SH3KBP1: variants seen among roughly 807,000 people sequenced by gnomAD.
SH3KBP1 encodes the protein SH3 domain-containing kinase-binding protein 1.
Under a neutral mutation model 50.1 loss-of-function variants are expected in SH3KBP1, and 8 were observed. That is an observed-to-expected ratio of 0.16 (90% CI 0.09 to 0.29). The LOEUF is 0.29. Ranked by LOEUF, SH3KBP1 falls within the 10% of genes least tolerant of loss-of-function variation. The pLI is 1.00. For missense variants in SH3KBP1, 377 were observed against 535.2 expected, an observed-to-expected ratio of 0.70 and a Z score of 2.92; for synonymous variants, 227 against 218.6, an observed-to-expected ratio of 1.04 and a Z score of -0.34.
At chrX:19,790,710 G>A (rs1704157638) in intron 2 of SH3KBP1, among the ~76,000 whole-genome samples, 1 of 110,862 alleles carries the variant, frequency 9.0e-6, no homozygotes, top group Non-Finnish European at 1.9e-5. Context: ...CGTCATGGAA[G>A]AGATAAGAGG....
At chrX:19,813,288 G>A (rs1472755391) in intron 2 of SH3KBP1, among the ~76,000 whole-genome samples, 1 of 110,934 alleles carries the variant, frequency 9.0e-6, no homozygotes, top group Non-Finnish European at 1.9e-5. Context: ...CTAATCTGGG[G>A]AGTGCAGTCC....
intron 2 of SH3KBP1, among the ~76,000 whole-genome samples, chrX:19,754,843 G>A (rs2065163538): frequency 9.0e-6 from 1 of 111,550 alleles, no homozygotes; most frequent in African/African-American, 3.3e-5. Context: ...GAGCAGAGGG[G>A]AGAAGATGAT....
chrX:19,665,504 T>C (rs1464753717), intron 6 of SH3KBP1, among the ~76,000 whole-genome samples: 2 of 112,155 alleles, frequency 1.8e-5, no homozygotes, highest in Non-Finnish European at 1.9e-5. Flanking sequence ...GCTCATTTTA[T>C]AGCCCGGGTT....
At chrX:19,878,362 G>A (rs1003022673) in intron 1 of SH3KBP1, among the ~76,000 whole-genome samples, 1 of 102,939 alleles carries the variant, frequency 9.7e-6, no homozygotes, top group Non-Finnish European at 2.0e-5. Flanking sequence ...GGAGTGCAGT[G>A]GTGCGATGTC....
In SH3KBP1 at chrX:19,791,536, GA is replaced by G. The variant is rs11410602; in HGVS notation, c.162+44588del. Among the ~76,000 whole-genome samples the G allele has an allele frequency of 4.1e-3, 318 of 76,801 alleles. 1 individual carries two copies. Among genetic ancestry groups the G allele is most frequent in the East Asian group, 8.9e-3 (20 of 2,250 alleles). 66.7% of individuals were successfully genotyped at this position (76,801 alleles called of 115,157 possible). A position where few individuals can be genotyped will look rare whatever the true frequency, so the allele number is the denominator to read the frequency against. On this transcript the variant is annotated intron_variant, in intron 2 of 17. Coordinates refer to ENST00000397821, the MANE Select transcript of SH3KBP1 (RefSeq NM_031892.3). ...CAAGCATACAAAAATCCTAGAGAAT[GA>G]AAAAAAAAAAAAAACCAAGAGGGAG... is the stretch of plus-strand genomic sequence containing the variant.
At chrX:19,669,956 CAT>C (rs1054280812) in intron 6 of SH3KBP1, among the ~76,000 whole-genome samples, 1 of 108,515 alleles carries the variant, frequency 9.2e-6, no homozygotes, top group Non-Finnish European at 1.9e-5. Flanking sequence ...CATAAAGGGA[CAT>C]ATTTTACAGA....
At chrX:19,700,039 G>A (rs761553579) in intron 4 of SH3KBP1, among the ~76,000 whole-genome samples, 3 of 111,382 alleles carry the variant, frequency 2.7e-5, no homozygotes, top group Non-Finnish European at 5.7e-5. Context: ...TGAATACTTT[G>A]ATACCCAAAC....
At chrX:19,743,746 T>C (rs1015880606) in intron 3 of SH3KBP1, among the ~76,000 whole-genome samples, 2 of 112,370 alleles carry the variant, frequency 1.8e-5, no homozygotes, top group African/African-American at 3.2e-5. Context: ...CTGGACACAA[T>C]TGGGCAAACT....
Position 19,858,999 on chromosome X carries a change from T to C in SH3KBP1, c.5-22717A>G, listed in dbSNP as rs143597616. Among the ~76,000 whole-genome samples the C allele has an allele frequency of 8.1e-3, 912 of 112,240 alleles. 7 individuals carry two copies. The highest frequency in any genetic ancestry group is 0.013 in the South Asian group (35 of 2,719). On this transcript the variant is annotated intron_variant, in intron 1 of 17. Coordinates refer to ENST00000397821, the MANE Select transcript of SH3KBP1 (RefSeq NM_031892.3). Reference sequence around the variant, plus strand: ...AACTTGATAGAGAAAGAAAAGTAACTGGCAGAAAGAACTTCGCATATGAGG... The same window carrying C: ...AACTTGATAGAGAAAGAAAAGTAACCGGCAGAAAGAACTTCGCATATGAGG...
chrX:19,773,538 G>GAC (rs1446510394), intron 2 of SH3KBP1, among the ~76,000 whole-genome samples: 3 of 105,080 alleles, frequency 2.9e-5, no homozygotes, highest in Admixed American at 2.0e-4. Context: ...TGCACACACA[G>GAC]ACACACACAC....
At chrX:19,809,537 G>GA (rs1010749251) in intron 2 of SH3KBP1, among the ~76,000 whole-genome samples, 4 of 107,932 alleles carry the variant, frequency 3.7e-5, no homozygotes, top group African/African-American at 6.7e-5. Flanking sequence ...AAGAAAGAAA[G>GA]AAAAAAAAAG....
At chrX:19,861,761 C>G (rs2068782963) in intron 1 of SH3KBP1, among the ~76,000 whole-genome samples, 1 of 111,986 alleles carries the variant, frequency 8.9e-6, no homozygotes. Context: ...AAAATTCTCA[C>G]AAGATTGCCC....
intron 7 of SH3KBP1, among the ~76,000 whole-genome samples, chrX:19,639,836 G>GA (rs2061808538): frequency 9.3e-6 from 1 of 107,857 alleles, no homozygotes; most frequent in African/African-American, 3.4e-5. Flanking sequence ...CACTGAGTCT[G>GA]AAAAAATAGG....
chrX:19,839,323 A>G (rs1010155008), intron 1 of SH3KBP1, among the ~76,000 whole-genome samples: 2 of 94,612 alleles, frequency 2.1e-5, no homozygotes, highest in Non-Finnish European at 4.1e-5. Context: ...AGAAGATACT[A>G]AAAAAAAAAA....
intron 8 of SH3KBP1, among the ~76,000 whole-genome samples, chrX:19,613,778 C>G (rs2067508755): frequency 8.9e-6 from 1 of 112,199 alleles, no homozygotes; most frequent in Non-Finnish European, 1.9e-5. Flanking sequence ...GGAGCCATTC[C>G]TTATTTTGCC....
chrX:19,674,331 C>G (rs1317971334), intron 6 of SH3KBP1, among the ~76,000 whole-genome samples: 1 of 111,852 alleles, frequency 8.9e-6, no homozygotes, highest in African/African-American at 3.3e-5. Context: ...GCCATTTAGC[C>G]AATCCCTTTC....
At chrX:19,561,591 G>A (rs765547173) in intron 13 of SH3KBP1, among the ~76,000 whole-genome samples, 7 of 111,470 alleles carry the variant, frequency 6.3e-5, no homozygotes, top group East Asian at 5.6e-4. Flanking sequence ...GCAGATGTGA[G>A]CTGGACCTAT....
At chrX:19,799,791 A>C (rs2066843260) in intron 2 of SH3KBP1, 12 of 1,160,404 alleles carry the variant, frequency 1.0e-5, no homozygotes, top group Non-Finnish European at 1.3e-5. Context: ...TTGGCAGCAA[A>C]ATTATTCTAA....
chrX:19,775,546 T>C (rs1026098412), intron 2 of SH3KBP1, among the ~76,000 whole-genome samples: 7 of 111,940 alleles, frequency 6.3e-5, no homozygotes, highest in East Asian at 2.8e-4. Flanking sequence ...CCAGGGAAAA[T>C]TGAGTGCCAA....
Sources: gnomAD v4.1 joint callset for allele counts (sites outside exome capture counted in the v4.1 genomes callset) on GRCh38, gnomAD v4.1.1 for gene constraint, MANE v1.5 for transcripts, NCBI Gene and HGNC (gene_info 2026-07-23, HGNC 2026-07-21) for gene names.